CELSR1: variants seen among roughly 807,000 people sequenced by gnomAD.
CELSR1 encodes adhesion G protein-coupled receptor C1.
Under a neutral mutation model 249.1 loss-of-function variants are expected in CELSR1, and 110 were observed. The ratio of observed to expected loss-of-function variants is 0.44; its 90% CI spans 0.38 to 0.52. The LOEUF (loss-of-function observed/expected upper bound fraction) is 0.52, where lower values mean the gene tolerates loss of function less well. Among genes scored for constraint, CELSR1 ranks in the 20% least tolerant of loss-of-function variants. The pLI is 0.00. For synonymous variants in CELSR1, 2,113 were observed against 1,900.0 expected (o/e 1.11, Z -2.92); for missense variants, 4,109 against 4,296.4 (o/e 0.96, Z 1.22).
Position 46,453,272 on chromosome 22 carries a change from A to C in CELSR1, c.4183+10435T>G, listed in dbSNP as rs3788691. 2.0e-5 allele frequency among the ~76,000 whole-genome samples: 3 copies of C among 152,146 alleles called. No individual in the cohort carries two copies. The Middle Eastern group carries it at 0.01, about 518-fold the overall frequency. On this transcript the variant is annotated intron_variant, in intron 2 of 34. Coordinates refer to ENST00000674500, the MANE Select transcript of CELSR1 (RefSeq NM_001378328.1). ...AACCGTGCCAACTACGAACAGCAGC[A>C]TGCCCGGGCTCAGCTGGAATGCTAG...
chr22:46,403,753 A>G (rs1356865135), intron 9 of CELSR1, among the ~76,000 whole-genome samples: 1 of 151,930 alleles, frequency 6.6e-6, no homozygotes, highest in African/African-American at 2.4e-5. Context: ...CAGACAGATC[A>G]CCTGAGGTCA....
At position 46,408,367 on chromosome 22, in the gene CELSR1, T is replaced by C. The variant is rs149615263; in HGVS notation, c.5226+629A>G. On this transcript the variant is annotated intron_variant, in intron 9 of 34. Coordinates refer to ENST00000674500, the MANE Select transcript of CELSR1 (RefSeq NM_001378328.1). The surrounding 1 kb of genome is among the most constrained non-coding windows in gnomAD (Gnocchi z 4.6). ...GCTTTTTGAGATGGAGTCTCTGTCTTGTCGTCCAGACTGGAGTGTGGTGAC... is the reference window on the plus strand; with the variant it reads ...GCTTTTTGAGATGGAGTCTCTGTCTCGTCGTCCAGACTGGAGTGTGGTGAC... Among the ~76,000 whole-genome samples, 2,069 of 152,280 alleles carry C rather than the reference T, an allele frequency of 0.014. 22 individuals are homozygous for C. The highest frequency in any genetic ancestry group is 0.031 in the Middle Eastern group (9 of 294).
At chr22:46,425,019 AGTATGGTCCTTTTG>A (rs758643116) in intron 5 of CELSR1, among the ~76,000 whole-genome samples, 2 of 152,378 alleles carry the variant, frequency 1.3e-5, no homozygotes, top group Non-Finnish European at 2.9e-5. Context: ...GGAATCACAT[AGTATGGTCCTTTTG>A]GGGGTTGCCT....
At chr22:46,439,142 C>T (rs376396199) in intron 3 of CELSR1, 47 bp downstream of exon 3, 2 of 1,548,012 alleles carry the variant, frequency 1.3e-6, no homozygotes, top group South Asian at 1.2e-5. Context: ...GAAGCTCGCC[C>T]CTTTCCTAAA....
Position 46,399,610 on chromosome 22 carries a change from A to G in CELSR1, c.5412+107T>C, listed in dbSNP as rs1687634761. The G allele has an allele frequency of 4.2e-5, 50 of 1,204,270 alleles. 1 individual carries two copies. The South Asian group carries it at 5.6e-4, about 14-fold the overall frequency. The allele number at this position is 1,204,270 out of a possible 1,614,324, so 74.6% of individuals were successfully genotyped here. A position where few individuals can be genotyped will look rare whatever the true frequency, so the allele number is the denominator to read the frequency against. On this transcript the variant is annotated intron_variant, in intron 10 of 34. Coordinates refer to ENST00000674500, the MANE Select transcript of CELSR1 (RefSeq NM_001378328.1). The surrounding 1 kb of genome is among the most constrained non-coding windows in gnomAD (Gnocchi z 5.0). ...GCGGGGACCCAGAAAGTGCCTCCCC[A>G]AATCCACAAGGTCTCTGGTGGGTCC...
rs562050104 is a variant in CELSR1 at position 46,534,135 on chromosome 22, G to A, written c.3036C>T (p.Asn1012=). 4.3e-6 allele frequency: 7 copies of A among 1,613,788 alleles called. No homozygotes were observed. In the African/African-American group the frequency reaches 8.0e-5, roughly 18 times the overall value. Reference sequence around the variant, plus strand: ...TCTTTGCCACCACCGACCCCACTGGGTTGTTCTCCTCAACAAACAGCTCCA... The same window carrying A: ...TCTTTGCCACCACCGACCCCACTGGATTGTTCTCCTCAACAAACAGCTCCA... The part of the protein sequence containing the change: ...DELELFVEEN[N]PVGSVVAKIR... Residue 1012 remains asparagine, a synonymous_variant, in exon 1 of 35, where the codon AAC becomes AAT. Coordinates refer to ENST00000674500, the MANE Select transcript of CELSR1 (RefSeq NM_001378328.1). The surrounding 1 kb of genome is among the most constrained non-coding windows in gnomAD (Gnocchi z 9.7).
chr22:46,373,448 C>T (rs1382364193), intron 24 of CELSR1, among the ~76,000 whole-genome samples: 29 of 111,662 alleles, frequency 2.6e-4, no homozygotes, highest in Admixed American at 1.3e-3. Context: ...ACCCAGTGCT[C>T]GGGGTTGGGG....
At chr22:46,483,587 T>C (rs1248671924) in intron 1 of CELSR1, among the ~76,000 whole-genome samples, 1 of 152,088 alleles carries the variant, frequency 6.6e-6, no homozygotes, top group Admixed American at 6.6e-5. Context: ...GTGATTGGAT[T>C]TCCTGCCTCC....
Position 46,488,556 on chromosome 22 carries a change from C to T in CELSR1, c.3545-24211G>A, listed in dbSNP as rs1213555625. Reference sequence around the variant, plus strand: ...CCAGAGGGAAGCCCCACAGGCCTAGCTGAGGGACACAAAAAGAACAAACGC... The same window carrying T: ...CCAGAGGGAAGCCCCACAGGCCTAGTTGAGGGACACAAAAAGAACAAACGC... On this transcript the variant is annotated intron_variant, in intron 1 of 34. Coordinates refer to ENST00000674500, the MANE Select transcript of CELSR1 (RefSeq NM_001378328.1). This position sits in a 1 kb window ranked among gnomAD's most constrained non-coding sequence, Gnocchi z 4.7. Among the ~76,000 whole-genome samples the T allele has an allele frequency of 1.3e-5, 2 of 152,174 alleles. No individual in the cohort carries two copies. The highest frequency in any genetic ancestry group is 2.9e-5 in the Non-Finnish European group (2 of 68,018).
rs1602018888 is a variant in CELSR1 at position 46,365,277 on chromosome 22, C to T, written c.8508G>A (p.Glu2836=). 2 of 1,612,836 alleles carry T rather than the reference C, an allele frequency of 1.2e-6. No individual in the cohort carries two copies. The highest frequency in any genetic ancestry group is 4.5e-5 in the East Asian group (2 of 44,884). The change falls in exon 32 of 35, where the codon GAG becomes GAA. Residue 2836 remains glutamate (E), a synonymous_variant. Coordinates refer to ENST00000674500, the MANE Select transcript of CELSR1 (RefSeq NM_001378328.1). ...CGCCCCTGGCCGGGTCCCATTTTTC[C>T]TCAGCTCCCACCCCATCGTCCTCGC... ...SDSEDDGVGA[E]EKWDPARGAV... is the part of the protein sequence containing the mutation.
intron 5 of CELSR1, among the ~76,000 whole-genome samples, chr22:46,419,297 T>C (rs758664833): frequency 5.9e-5 from 9 of 152,332 alleles, no homozygotes; most frequent in Non-Finnish European, 8.8e-5. Flanking sequence ...CAGCGCCTTC[T>C]TGGAAAGCAA....
chr22:46,472,940 C>A lies in CELSR1; in HGVS notation c.3545-8595G>T, dbSNP rs1166966821. Among the ~76,000 whole-genome samples, 19 of 152,212 alleles carry A rather than the reference C, an allele frequency of 1.2e-4. No homozygotes were observed. Among genetic ancestry groups the A allele is most frequent in the Admixed American group, 1.1e-3 (17 of 15,280 alleles). ...AAGCCAGTACAGCCTCATGTCAACA[C>A]CTCAATTACAGCTGCAAAGAGCCTA... On this transcript the variant is annotated intron_variant, in intron 1 of 34. Coordinates refer to ENST00000674500, the MANE Select transcript of CELSR1 (RefSeq NM_001378328.1). This position sits in a 1 kb window ranked among gnomAD's most constrained non-coding sequence, Gnocchi z 7.0.
intron 1 of CELSR1, among the ~76,000 whole-genome samples, chr22:46,509,008 C>A (rs1199177691): frequency 6.6e-6 from 1 of 152,216 alleles, no homozygotes; most frequent in Non-Finnish European, 1.5e-5. Flanking sequence ...CTGGGCAGGA[C>A]AGGCCAGCGC....
chr22:46,504,729 G>A (rs571040023), intron 1 of CELSR1, among the ~76,000 whole-genome samples: 1 of 152,158 alleles, frequency 6.6e-6, no homozygotes, highest in South Asian at 2.1e-4. Context: ...TATTCCCGAG[G>A]CCATTTGACC....
Position 46,363,361 on chromosome 22 carries a change from C to T in CELSR1, c.9036-114G>A, listed in dbSNP as rs891883796. On this transcript the variant is annotated intron_variant, in intron 34 of 34. Transcript: ENST00000674500. The surrounding 1 kb of genome is among the most constrained non-coding windows in gnomAD (Gnocchi z 4.3). ...GATCACCCCATCAGGGTAGAGGGGG[C>T]GTCTGGGGGCTCCAGGGAGGGCAAG... 7 of 797,214 alleles carry T rather than the reference C, an allele frequency of 8.8e-6. No individual in the cohort carries two copies. The highest frequency in any genetic ancestry group is 3.1e-4 in the Middle Eastern group (1 of 3,198). 49.4% of individuals were successfully genotyped at this position (797,214 alleles called of 1,614,324 possible).
rs968819131 is a variant in CELSR1, at chr22:46,376,948, G to A, written c.7584+113C>T. 9.7e-6 allele frequency: 10 copies of A among 1,029,548 alleles called. No homozygotes were observed. The African/African-American group carries it at 1.6e-4, about 16-fold the overall frequency. The allele number at this position is 1,029,548 out of a possible 1,614,324, so 63.8% of individuals were successfully genotyped here. ...CTGAAAGGGCATCTGTGAAGCAGAG[G>A]TGGGGGTGGTGAGGAGGAGCTAGCC... On this transcript the variant is annotated intron_variant, in intron 24 of 34. Transcript: ENST00000674500.
intron 1 of CELSR1, among the ~76,000 whole-genome samples, chr22:46,482,946 C>T (rs868362406): frequency 6.6e-5 from 10 of 152,114 alleles, no homozygotes; most frequent in South Asian, 2.1e-4. Context: ...CAGGTCCACA[C>T]GCACACACAA....
intron 23 of CELSR1, 28 bp downstream of exon 23, chr22:46,378,563 G>A (rs1463348196): frequency 1.9e-6 from 3 of 1,545,778 alleles, no homozygotes; most frequent in Non-Finnish European, 2.6e-6. Flanking sequence ...AGGCCCAGAG[G>A]GCACAGTGGC....
chr22:46,426,870 T>TG (rs1006514524), intron 5 of CELSR1, among the ~76,000 whole-genome samples: 46 of 152,298 alleles, frequency 3.0e-4, no homozygotes, highest in Non-Finnish European at 1.5e-4. Flanking sequence ...AACCTGCAGG[T>TG]GCTCAGGCTT....
Sources: gnomAD v4.1 joint callset for allele counts (sites outside exome capture counted in the v4.1 genomes callset) on GRCh38, gnomAD v4.1.1 for gene constraint, Gnocchi (gnomAD v3.1) non-coding constraint, MANE v1.5 for transcripts, NCBI Gene and HGNC (gene_info 2026-07-23, HGNC 2026-07-21) for gene names.